The following DOCK3 variants were observed in gnomAD, a reference collection of about 807,000 sequenced individuals.
DOCK3 encodes the protein dedicator of cytokinesis 3, also known as dedicator of cytokinesis protein 3.
DOCK3 carries 60 observed loss-of-function variants against 265.6 expected under a neutral mutation model. That is an observed-to-expected ratio of 0.23 (90% CI 0.18 to 0.28). DOCK3 has a LOEUF of 0.28. Ranked by LOEUF, DOCK3 falls within the 10% of genes least tolerant of loss-of-function variation. DOCK3 has a pLI of 1.00. For synonymous variants in DOCK3, 881 were observed against 938.0 expected (o/e 0.94, Z 1.11); for missense variants, 1,981 against 2,594.3 (o/e 0.76, Z 5.14).
intron 5 of DOCK3, among the ~76,000 whole-genome samples, chr3:50,947,900 G>A (rs2108288754): frequency 6.8e-6 from 1 of 148,084 alleles, no homozygotes; most frequent in East Asian, 2.0e-4. Flanking sequence ...CTGTTGCCCA[G>A]GCTGGAGTGC....
At chr3:51,160,787 T>G in intron 12 of DOCK3, 85 bp downstream of exon 12, 1 of 1,488,204 alleles carries the variant, frequency 6.7e-7, no homozygotes, top group South Asian at 1.4e-5. Context: ...GCTCAAACCT[T>G]GTGGACACAG....
intron 13 of DOCK3, among the ~76,000 whole-genome samples, chr3:51,209,696 A>G (rs759788981): frequency 3.3e-5 from 5 of 152,222 alleles, no homozygotes; most frequent in Non-Finnish European, 7.3e-5. Flanking sequence ...ACTGAGAGGC[A>G]AGCAGTTTCT....
chr3:50,858,788 A>G (rs1015236048), intron 3 of DOCK3, among the ~76,000 whole-genome samples: 4 of 152,132 alleles, frequency 2.6e-5, no homozygotes, highest in Non-Finnish European at 4.4e-5. Flanking sequence ...AGGGATGCCA[A>G]TGATTCATAG....
chr3:51,013,844 G>A (rs905714199), intron 5 of DOCK3, among the ~76,000 whole-genome samples: 3 of 152,176 alleles, frequency 2.0e-5, no homozygotes, highest in African/African-American at 7.2e-5. Flanking sequence ...TGAGCTTCCT[G>A]GCCACTTTGT....
intron 9 of DOCK3, among the ~76,000 whole-genome samples, chr3:51,123,365 T>C (rs2084119505): frequency 6.6e-6 from 1 of 152,202 alleles, no homozygotes; most frequent in South Asian, 2.1e-4. Flanking sequence ...ATGTAAGACA[T>C]ACAGTCTCTG....
At chr3:51,205,858 G>GT (rs1560208850) in intron 12 of DOCK3, among the ~76,000 whole-genome samples, 1 of 152,208 alleles carries the variant, frequency 6.6e-6, no homozygotes, top group Non-Finnish European at 1.5e-5. Flanking sequence ...AAAGCTAAAT[G>GT]TTTTTTATAG....
chr3:50,973,287 C>G (rs1430681560), intron 5 of DOCK3, among the ~76,000 whole-genome samples: 2 of 140,772 alleles, frequency 1.4e-5, no homozygotes, highest in African/African-American at 5.6e-5. Flanking sequence ...ATCCCTCCCC[C>G]CTCCCCCCAC....
At chr3:51,207,824 G>A (rs941633318) in intron 12 of DOCK3, among the ~76,000 whole-genome samples, 7 of 152,220 alleles carry the variant, frequency 4.6e-5, no homozygotes, top group Non-Finnish European at 5.9e-5. Context: ...TATTTTCTGG[G>A]ATAGGTATAT....
chr3:51,101,275 C>T (rs866942732), intron 9 of DOCK3, among the ~76,000 whole-genome samples: 4 of 152,032 alleles, frequency 2.6e-5, no homozygotes, highest in South Asian at 2.1e-4. Context: ...CGCCCGCCAC[C>T]GCGCCCGGCT....
intron 1 of DOCK3, among the ~76,000 whole-genome samples, chr3:50,770,457 A>G (rs1447544426): frequency 3.2e-5 from 4 of 125,544 alleles, no homozygotes; most frequent in Non-Finnish European, 7.7e-5. Flanking sequence ...AAAAAAAAAG[A>G]AAAAAAAAAT....
At chr3:51,271,383 C>G (rs1220734086) in intron 24 of DOCK3, among the ~76,000 whole-genome samples, 2 of 152,040 alleles carry the variant, frequency 1.3e-5, no homozygotes, top group Admixed American at 6.6e-5. Context: ...CTGGTGAGGC[C>G]CACTTCCTGG....
rs1341650510 is a variant in DOCK3, at chr3:51,275,221, C to T, written c.2676+15C>T. On this transcript the variant is annotated intron_variant, in intron 25 of 52. Coordinates refer to ENST00000266037, the MANE Select transcript of DOCK3 (RefSeq NM_004947.5). ...CCAGCTCTCTGGTAGTGGCCCCACA[C>T]CCACTCCACCCTGTTCAGCTCTTCC... 1 of 1,613,630 alleles carries T rather than the reference C, an allele frequency of 6.2e-7. No individual in the cohort carries two copies. The highest frequency in any genetic ancestry group is 1.3e-5 in the African/African-American group (1 of 75,046).
chr3:51,064,477 A>G lies in DOCK3; in HGVS notation c.345A>G (p.Leu115=), dbSNP rs2081522231. 1.2e-6 allele frequency: 2 copies of G among 1,613,888 alleles called. No homozygotes were observed. Among genetic ancestry groups the G allele is most frequent in the East Asian group, 2.2e-5 (1 of 44,898 alleles). Residue 115 remains leucine (L), a synonymous_variant, in exon 6 of 53, where the codon CTA becomes CTG. Coordinates refer to ENST00000266037, the MANE Select transcript of DOCK3 (RefSeq NM_004947.5). ...ACAAAGTAGATCTTTTCTACAAACT[A>G]CGCCATGTGATGAATGAACTTATTG... ...VKHKVDLFYK[L]RHVMNELIDL...
chr3:50,778,769 A>G lies in DOCK3; in HGVS notation c.121+11A>G, dbSNP rs2041751973. ...TTGAAAAATGTGAAGGTGAGTATGG[A>G]CCTACAAAGCACATAAATTGTGATC... On this transcript the variant is annotated intron_variant, in intron 2 of 52. Coordinates refer to ENST00000266037, the MANE Select transcript of DOCK3 (RefSeq NM_004947.5). 14 of 1,547,700 alleles carry G rather than the reference A, an allele frequency of 9.0e-6. No homozygotes were observed. In the East Asian group the frequency reaches 3.3e-4, roughly 36 times the overall value.
At chr3:51,102,113 G>A (rs1031766402) in intron 9 of DOCK3, among the ~76,000 whole-genome samples, 2 of 152,196 alleles carry the variant, frequency 1.3e-5, no homozygotes, top group African/African-American at 4.8e-5. Flanking sequence ...TCAACTGTAA[G>A]GCCTGTGGCT....
intron 19 of DOCK3, among the ~76,000 whole-genome samples, chr3:51,235,031 A>G (rs933095892): frequency 5.9e-5 from 9 of 152,218 alleles, no homozygotes; most frequent in Admixed American, 5.2e-4. Context: ...TGCCATCACA[A>G]GCGTCAAATG....
intron 2 of DOCK3, among the ~76,000 whole-genome samples, chr3:50,783,428 G>A (rs1365912408): frequency 6.6e-6 from 1 of 151,984 alleles, no homozygotes; most frequent in Non-Finnish European, 1.5e-5. Context: ...GATGATTAAT[G>A]ATGTTTAGCA....
rs118033104 is a variant in DOCK3, at chr3:51,374,937, A to G, written c.5412+350A>G. ...GTTCTGAGAAGGCAGTGGTGGACAC[A>G]TTGGTCTGGAAGATGTTCTTCCTCC... On this transcript the variant is annotated intron_variant, in intron 50 of 52. Coordinates refer to ENST00000266037, the MANE Select transcript of DOCK3 (RefSeq NM_004947.5). This position sits in a 1 kb window ranked among gnomAD's most constrained non-coding sequence, Gnocchi z 4.8. Among the ~76,000 whole-genome samples the G allele has an allele frequency of 2.0e-3, 304 of 152,330 alleles. 4 individuals carry two copies. Among genetic ancestry groups the G allele is most frequent in the East Asian group, 0.012 (62 of 5,186 alleles).
At chr3:50,705,289 G>A (rs904236663) in intron 1 of DOCK3, among the ~76,000 whole-genome samples, 2 of 152,044 alleles carry the variant, frequency 1.3e-5, no homozygotes, top group African/African-American at 4.8e-5. Flanking sequence ...TAATCCCCAC[G>A]TGTTGAGGGA....
Sources: allele counts gnomAD v4.1 joint callset (sites outside exome capture counted in the v4.1 genomes callset), GRCh38; gene constraint gnomAD v4.1.1; non-coding constraint Gnocchi (gnomAD v3.1); transcripts MANE v1.5; gene names NCBI Gene and HGNC (gene_info 2026-07-23, HGNC 2026-07-21).